Variants in LDLRAD4 observed in about 807,000 individuals in gnomAD.
The protein encoded by LDLRAD4 is low-density lipoprotein receptor class A domain-containing protein 4.
A neutral mutation model predicts 17.0 loss-of-function variants in LDLRAD4; 5 were observed. The ratio of observed to expected loss-of-function variants is 0.29; its 90% CI spans 0.15 to 0.62. The LOEUF is 0.62. Among genes scored for constraint, LDLRAD4 ranks in the 20% least tolerant of loss-of-function variants. The pLI is 0.84. For synonymous variants in LDLRAD4, 168 were observed against 171.8 expected (o/e 0.98, Z 0.17); for missense variants, 340 against 424.7 (o/e 0.80, Z 1.75).
chr18:13,619,714 T>G (rs2040435623), intron 3 of LDLRAD4, among the ~76,000 whole-genome samples: 1 of 152,122 alleles, frequency 6.6e-6, no homozygotes, highest in African/African-American at 2.4e-5. Context: ...CCTCACTGAC[T>G]GCCAGCTTCG....
intron 1 of LDLRAD4, among the ~76,000 whole-genome samples, chr18:13,281,395 C>A (rs1159825621): frequency 6.6e-6 from 1 of 152,094 alleles, no homozygotes; most frequent in Non-Finnish European, 1.5e-5. Context: ...TCTCCAATCT[C>A]GCCCTCCACC....
intron 2 of LDLRAD4, among the ~76,000 whole-genome samples, chr18:13,430,639 A>C (rs1442762145): frequency 6.6e-6 from 1 of 152,206 alleles, no homozygotes; most frequent in Non-Finnish European, 1.5e-5. Context: ...AGACTCATTG[A>C]GCTGGACTTT....
At position 13,390,323 on chromosome 18, in the gene LDLRAD4, C is replaced by A. The variant is rs148350637; in HGVS notation, c.40+2561C>A. On this transcript the variant is annotated intron_variant, in intron 2 of 5. Transcript: ENST00000359446. ...CGGGAGCCGTGCTCCTGCTATGTGTCCTTTGCCAGGTGTCACACCAACACA... is the reference window on the plus strand; with the variant it reads ...CGGGAGCCGTGCTCCTGCTATGTGTACTTTGCCAGGTGTCACACCAACACA... 4.6e-4 allele frequency among the ~76,000 whole-genome samples: 70 copies of A among 152,334 alleles called. 2 individuals carry two copies. The East Asian group carries it at 0.013, about 28-fold the overall frequency.
At chr18:13,570,399 A>G (rs1346412542) in intron 3 of LDLRAD4, among the ~76,000 whole-genome samples, 2 of 152,206 alleles carry the variant, frequency 1.3e-5, no homozygotes, top group East Asian at 3.8e-4. Context: ...ACAGGCAGTT[A>G]TCAGGGCCAG....
At chr18:13,450,880 G>A (rs561270968) in intron 3 of LDLRAD4, among the ~76,000 whole-genome samples, 6 of 152,282 alleles carry the variant, frequency 3.9e-5, no homozygotes, top group South Asian at 2.1e-4. Context: ...GGAAGCTTGC[G>A]GGGAGGGGAG....
intron 3 of LDLRAD4, among the ~76,000 whole-genome samples, chr18:13,517,563 C>T (rs1296740318): frequency 1.3e-5 from 2 of 152,118 alleles, no homozygotes; most frequent in Non-Finnish European, 1.5e-5. Flanking sequence ...GAGGGCGGCC[C>T]GTGGATGCCT....
intron 1 of LDLRAD4, among the ~76,000 whole-genome samples, chr18:13,319,621 A>G (rs73419375): frequency 0.01 from 1,538 of 152,354 alleles, 14 homozygotes; most frequent in African/African-American, 0.026. Context: ...ACTTACGACC[A>G]GGGATACTGG....
chr18:13,490,812 G>C (rs971294868), intron 3 of LDLRAD4: 1 of 152,224 alleles, frequency 6.6e-6, no homozygotes, highest in Non-Finnish European at 1.5e-5. Context: ...GGCCAGGCTT[G>C]TCAGGGAGAT....
intron 2 of LDLRAD4, among the ~76,000 whole-genome samples, chr18:13,437,014 T>C (rs1600258050): frequency 6.6e-6 from 1 of 152,268 alleles, no homozygotes; most frequent in East Asian, 1.9e-4. Context: ...GTTATTGTCT[T>C]GCGGGCCACA....
Position 13,271,333 on chromosome 18 carries a change from C to T in LDLRAD4, c.-466-6772C>T, listed in dbSNP as rs142818666. Among the ~76,000 whole-genome samples, 651 of 152,302 alleles carry T rather than the reference C, an allele frequency of 4.3e-3. 4 individuals are homozygous for T. The highest frequency in any genetic ancestry group is 7.4e-3 in the Non-Finnish European group (502 of 68,030). ...GTAGGATCGTCCATTTCTTTGGCAT[C>T]GTGACGTTAGGCGTTCAGTGCCTGT... On this transcript the variant is annotated intron_variant, in intron 1 of 5. Transcript: ENST00000399848.
At chr18:13,234,770 A>G (rs541753873) in intron 1 of LDLRAD4, among the ~76,000 whole-genome samples, 2 of 152,326 alleles carry the variant, frequency 1.3e-5, no homozygotes, top group South Asian at 4.1e-4. Flanking sequence ...GCTCACCTAC[A>G]TTACATTCTT....
intron 2 of LDLRAD4, among the ~76,000 whole-genome samples, chr18:13,409,526 G>A (rs192621767): frequency 4.3e-4 from 65 of 152,306 alleles, no homozygotes; most frequent in Middle Eastern, 3.4e-3. Flanking sequence ...TATCTTATGT[G>A]CAATTTACAT....
Position 13,300,453 on chromosome 18 carries a change from C to G in LDLRAD4, c.-383+22265C>G, listed in dbSNP as rs1423544444. Among the ~76,000 whole-genome samples, 1 of 152,340 alleles carries G rather than the reference C, an allele frequency of 6.6e-6. No individual in the cohort carries two copies. Among genetic ancestry groups the G allele is most frequent in the South Asian group, 2.1e-4 (1 of 4,830 alleles). On this transcript the variant is annotated intron_variant, in intron 1 of 5. Coordinates refer to ENST00000359446, the Ensembl canonical transcript of LDLRAD4. The surrounding 1 kb of genome is among the most constrained non-coding windows in gnomAD (Gnocchi z 4.2). ...ATGACATTCGCGGGGTCAGCCATGA[C>G]TGCTGCCCCAAGGGAGGCCTGCAAT...
chr18:13,619,787 C>A (rs574541451), intron 3 of LDLRAD4, among the ~76,000 whole-genome samples: 2 of 152,252 alleles, frequency 1.3e-5, no homozygotes, highest in East Asian at 3.9e-4. Context: ...CCACAGGGAA[C>A]AGTGATGTTC....
intron 4 of LDLRAD4, among the ~76,000 whole-genome samples, chr18:13,632,596 A>C (rs1393458924): frequency 6.6e-6 from 1 of 152,242 alleles, no homozygotes; most frequent in Non-Finnish European, 1.5e-5. Context: ...CCTGGCCAGG[A>C]GAACCCTAGG....
intron 1 of LDLRAD4, among the ~76,000 whole-genome samples, chr18:13,327,360 A>G (rs1039653470): frequency 6.6e-6 from 1 of 152,074 alleles, no homozygotes; most frequent in East Asian, 1.9e-4. Context: ...CCTCGAAATT[A>G]AGGAAGGAGC....
At chr18:13,274,314 G>T (rs2044730922), upstream of LDLRAD4, among the ~76,000 whole-genome samples, 1 of 152,202 alleles carries the variant, frequency 6.6e-6, no homozygotes, top group Non-Finnish European at 1.5e-5. Context: ...TGGAGCCGTT[G>T]ATCTCTTGGC....
intron 3 of LDLRAD4, chr18:13,520,639 G>A (rs2093938865): frequency 6.6e-6 from 1 of 152,216 alleles, no homozygotes; most frequent in Non-Finnish European, 1.5e-5. Flanking sequence ...GGTCTCTTGA[G>A]CCCAGGAGTT....
chr18:13,545,688 G>GA (rs1382034709), intron 3 of LDLRAD4, among the ~76,000 whole-genome samples: 1 of 152,182 alleles, frequency 6.6e-6, no homozygotes, highest in Non-Finnish European at 1.5e-5. Flanking sequence ...GTGGGAAACT[G>GA]GCGGGGCAGG....
Sources: allele counts gnomAD v4.1 joint callset (sites outside exome capture counted in the v4.1 genomes callset), GRCh38; gene constraint gnomAD v4.1.1; non-coding constraint Gnocchi (gnomAD v3.1); transcripts MANE v1.5; gene names NCBI Gene and HGNC (gene_info 2026-07-23, HGNC 2026-07-21).